RFC3: variants seen among roughly 807,000 people sequenced by gnomAD.
The protein encoded by RFC3 is replication factor C subunit 3, also known as A1 38 kDa subunit.
A neutral mutation model predicts 45.1 loss-of-function variants in RFC3; 41 were observed. The observed-to-expected ratio is 0.91, with a 90% CI of 0.71 to 1.18. RFC3 has a LOEUF of 1.18. RFC3 is among the 50% of genes most tolerant of loss of function. The pLI, the probability that RFC3 is intolerant of heterozygous loss-of-function variation, is 0.00. For missense variants in RFC3, 423 were observed against 428.1 expected (o/e 0.99, Z 0.10); for synonymous variants, 149 against 144.0 (o/e 1.03, Z -0.25).
At chr13:33,967,510 TG>T (rs1386566971), downstream of RFC3, among the ~76,000 whole-genome samples, 1 of 124,290 alleles carries the variant, frequency 8.0e-6, no homozygotes, top group South Asian at 2.6e-4. Context: ...TTTTTTGAGA[TG>T]GAGTCTTGCT....
downstream of RFC3, among the ~76,000 whole-genome samples, chr13:33,966,982 C>T (rs190347340): frequency 5.3e-5 from 8 of 151,992 alleles, no homozygotes; most frequent in African/African-American, 1.7e-4. Context: ...CATGGCGAAA[C>T]CCCGTCTCTA....
intron 8 of RFC3, among the ~76,000 whole-genome samples, chr13:33,906,250 T>C (rs1342624922): frequency 1.3e-5 from 2 of 152,144 alleles, no homozygotes; most frequent in African/African-American, 4.8e-5. Flanking sequence ...TAGTGTGTGA[T>C]TCTTATTTAT....
chr13:33,827,487 G>A (rs2082061231), intron 4 of RFC3, among the ~76,000 whole-genome samples: 1 of 152,110 alleles, frequency 6.6e-6, no homozygotes, highest in Non-Finnish European at 1.5e-5. Flanking sequence ...TAAGAGAAAT[G>A]TTGAACATCG....
At chr13:33,871,887 G>A (rs1417376566) in intron 8 of RFC3, among the ~76,000 whole-genome samples, 2 of 152,180 alleles carry the variant, frequency 1.3e-5, no homozygotes, top group Non-Finnish European at 2.9e-5. Context: ...AAACATTTAA[G>A]ATTTTGGTTC....
At chr13:33,859,056 A>C (rs2082324528) in intron 8 of RFC3, among the ~76,000 whole-genome samples, 1 of 152,166 alleles carries the variant, frequency 6.6e-6, no homozygotes, top group African/African-American at 2.4e-5. Flanking sequence ...CTGTTTTCAC[A>C]TCCTTTCACA....
intron 8 of RFC3, among the ~76,000 whole-genome samples, chr13:33,931,402 G>C (rs1033411390): frequency 6.6e-6 from 1 of 152,092 alleles, no homozygotes; most frequent in Non-Finnish European, 1.5e-5. Flanking sequence ...TGTGGATACC[G>C]TGATGCTGAT....
At chr13:33,845,983 TA>T (rs1232202370) in intron 8 of RFC3, among the ~76,000 whole-genome samples, 1 of 152,190 alleles carries the variant, frequency 6.6e-6, no homozygotes, top group African/African-American at 2.4e-5. Flanking sequence ...ATATATGCAT[TA>T]GGGGGCACCC....
intron 8 of RFC3, among the ~76,000 whole-genome samples, chr13:33,964,083 T>G (rs2137873829): frequency 1.3e-5 from 2 of 152,320 alleles, no homozygotes; most frequent in Non-Finnish European, 1.5e-5. Flanking sequence ...TGTACACAAA[T>G]TAGCCCTTCT....
intron 8 of RFC3, among the ~76,000 whole-genome samples, chr13:33,886,927 T>C (rs1223234263): frequency 1.3e-5 from 2 of 149,890 alleles, no homozygotes; most frequent in African/African-American, 2.5e-5. Context: ...GAATGATGAT[T>C]TCCAATTTCA....
At chr13:33,829,759 A>G in intron 4 of RFC3, 77 bp from the exon 5 acceptor site, 1 of 1,104,894 alleles carries the variant, frequency 9.1e-7, no homozygotes. Flanking sequence ...CATCCTGGAT[A>G]ATGAGAAGGA....
rs78218103 is a variant in RFC3 at position 33,927,331 on chromosome 13, G to T, written c.880-38756G>T. Among the ~76,000 whole-genome samples, 850 of 152,226 alleles carry T rather than the reference G, an allele frequency of 5.6e-3. 10 individuals carry two copies. The highest frequency in any genetic ancestry group is 0.019 in the African/African-American group (790 of 41,560). ...CAAAGGGAAAGTTAGGGTTTTATTG[G>T]GGGAAAGAGGGGGTTATGCAAGTTG... On this transcript the variant is annotated intron_variant, in intron 8 of 8. Coordinates refer to the RFC3 transcript ENST00000434425.
chr13:33,843,087 AAAAC>A (rs1352909977), intron 8 of RFC3, among the ~76,000 whole-genome samples: 2 of 152,280 alleles, frequency 1.3e-5, no homozygotes, highest in South Asian at 2.1e-4. Flanking sequence ...GTAAAACAAA[AAAAC>A]AAAAAAAACC....
chr13:33,869,159 C>G (rs532219517), intron 8 of RFC3, among the ~76,000 whole-genome samples: 2 of 152,354 alleles, frequency 1.3e-5, no homozygotes, highest in East Asian at 3.9e-4. Context: ...TCACTCTACT[C>G]TGGTCCTGCC....
intron 8 of RFC3, among the ~76,000 whole-genome samples, chr13:33,900,715 A>C (rs2082635036): frequency 1.3e-5 from 2 of 152,006 alleles, no homozygotes; most frequent in Admixed American, 6.6e-5. Context: ...GCTTCTGCAC[A>C]ACAAAAGAAA....
At chr13:33,865,833 C>T (rs2082369771) in intron 8 of RFC3, among the ~76,000 whole-genome samples, 1 of 152,124 alleles carries the variant, frequency 6.6e-6, no homozygotes, top group Non-Finnish European at 1.5e-5. Context: ...GCGGGTGGAT[C>T]ACCTGAGGTC....
At chr13:33,881,437 C>T (rs948495603) in intron 8 of RFC3, among the ~76,000 whole-genome samples, 12 of 152,168 alleles carry the variant, frequency 7.9e-5, no homozygotes, top group African/African-American at 2.7e-4. Context: ...GCTTACACTG[C>T]GAGGAGGGAT....
intron 8 of RFC3, among the ~76,000 whole-genome samples, chr13:33,881,527 C>G (rs760797831): frequency 5.3e-5 from 8 of 152,100 alleles, no homozygotes; most frequent in Non-Finnish European, 1.2e-4. Context: ...TCACTTGACT[C>G]TCAGGCCTCG....
At chr13:33,958,286 G>A (rs181519638) in intron 8 of RFC3, among the ~76,000 whole-genome samples, 15 of 152,318 alleles carry the variant, frequency 9.8e-5, no homozygotes, top group Non-Finnish European at 1.3e-4. Context: ...GGGCCAGGCC[G>A]TTTGGAGTGT....
At chr13:33,915,575 A>C (rs528390159) in intron 8 of RFC3, among the ~76,000 whole-genome samples, 2 of 152,240 alleles carry the variant, frequency 1.3e-5, no homozygotes, top group African/African-American at 4.8e-5. Context: ...TGCCCATGCC[A>C]GAATTTTGTT....
Sources: gnomAD v4.1 joint callset for allele counts (sites outside exome capture counted in the v4.1 genomes callset) on GRCh38, gnomAD v4.1.1 for gene constraint, MANE v1.5 for transcripts, NCBI Gene and HGNC (gene_info 2026-07-23, HGNC 2026-07-21) for gene names.